The following UBE2R2 variants were observed in gnomAD, a reference collection of about 807,000 sequenced individuals.
The protein encoded by UBE2R2 is ubiquitin conjugating enzyme E2 R2.
Under a neutral mutation model 27.8 loss-of-function variants are expected in UBE2R2, and 1 was observed. The ratio of observed to expected loss-of-function variants is 0.04; its 90% CI spans 0.01 to 0.17. The LOEUF (loss-of-function observed/expected upper bound fraction) is 0.17. UBE2R2 is among the 10% of genes least tolerant of loss of function. UBE2R2 has a pLI of 1.00. For synonymous variants in UBE2R2, 106 were observed against 113.3 expected (o/e 0.94, Z 0.41); for missense variants, 100 against 291.0 (o/e 0.34, Z 4.78).
chr9:33,898,463 TATTA>T (rs1017319392), intron 2 of UBE2R2, among the ~76,000 whole-genome samples: 3 of 150,078 alleles, frequency 2.0e-5, no homozygotes, highest in Admixed American at 2.0e-4. Flanking sequence ...TAATATTTTG[TATTA>T]ATTTTATTTT....
rs140528651 is a variant in UBE2R2 at position 33,895,810 on chromosome 9, T to C, written c.265-4364T>C. Among the ~76,000 whole-genome samples, 396 of 145,150 alleles carry C rather than the reference T, an allele frequency of 2.7e-3. 5 individuals carry two copies. Among genetic ancestry groups the C allele is most frequent in the Admixed American group, 0.023 (319 of 14,140 alleles). On this transcript the variant is annotated intron_variant, in intron 2 of 4. Coordinates refer to ENST00000263228, the MANE Select transcript of UBE2R2 (RefSeq NM_017811.4). ...TTTTTTGAGATGGAGTCTCGCTCTG[T>C]TGCCTAGGCTGGAGTGCAGTGGCTC...
intron 1 of UBE2R2, among the ~76,000 whole-genome samples, chr9:33,861,847 CT>C (rs775634986): frequency 1.1e-3 from 107 of 95,456 alleles, no homozygotes; most frequent in Middle Eastern, 0.014. Context: ...GATCCACTTT[CT>C]TTTTTTTTTT....
intron 1 of UBE2R2, among the ~76,000 whole-genome samples, chr9:33,829,942 C>G (rs569223718): frequency 1.3e-5 from 2 of 151,978 alleles, no homozygotes; most frequent in African/African-American, 4.8e-5. Context: ...GGACTATAGG[C>G]ATGTGCCACC....
intron 1 of UBE2R2, among the ~76,000 whole-genome samples, chr9:33,855,576 C>T (rs73488978): frequency 0.012 from 1,796 of 152,308 alleles, 37 homozygotes; most frequent in African/African-American, 0.04. Context: ...GGGTGATCCC[C>T]AGGCAACACA....
At chr9:33,819,783 C>T (rs1430105424) in intron 1 of UBE2R2, among the ~76,000 whole-genome samples, 1 of 152,156 alleles carries the variant, frequency 6.6e-6, no homozygotes, top group African/African-American at 2.4e-5. Context: ...GGACTACAGG[C>T]GCACGCCACC....
intron 3 of UBE2R2, 63 bp from the exon 4 acceptor site, chr9:33,911,901 C>T (rs1822501141): frequency 7.5e-6 from 11 of 1,466,942 alleles, no homozygotes; most frequent in Non-Finnish European, 1.0e-5. Flanking sequence ...TCTTAAAAAG[C>T]AGAATACTTT....
intron 1 of UBE2R2, among the ~76,000 whole-genome samples, chr9:33,875,423 A>AT (rs1457962892): frequency 2.0e-5 from 3 of 152,178 alleles, no homozygotes; most frequent in African/African-American, 7.2e-5. Flanking sequence ...AATGATAATG[A>AT]TTTAACCTTT....
At chr9:33,877,834 T>C (rs1183733023) in intron 1 of UBE2R2, among the ~76,000 whole-genome samples, 1 of 150,756 alleles carries the variant, frequency 6.6e-6, no homozygotes, top group Admixed American at 6.6e-5. Context: ...TCTCTCTCTC[T>C]CTCTCTCTCT....
At chr9:33,871,082 C>T (rs1821475836) in intron 1 of UBE2R2, among the ~76,000 whole-genome samples, 2 of 152,198 alleles carry the variant, frequency 1.3e-5, no homozygotes, top group South Asian at 4.1e-4. Context: ...AGTAGTACCC[C>T]TTTGTAAATT....
intron 2 of UBE2R2, among the ~76,000 whole-genome samples, chr9:33,892,397 A>G (rs1389445724): frequency 1.3e-5 from 2 of 152,202 alleles, no homozygotes; most frequent in African/African-American, 4.8e-5. Context: ...TTTTTATAAT[A>G]GACATTAATT....
chr9:33,895,123 C>G (rs1822072095), intron 2 of UBE2R2, among the ~76,000 whole-genome samples: 1 of 152,166 alleles, frequency 6.6e-6, no homozygotes, highest in East Asian at 1.9e-4. Flanking sequence ...TATAGGTTGC[C>G]TTTTCACTTT....
chr9:33,836,266 A>G (rs1207077430), intron 1 of UBE2R2, among the ~76,000 whole-genome samples: 1 of 152,232 alleles, frequency 6.6e-6, no homozygotes, highest in Non-Finnish European at 1.5e-5. Context: ...GCTATACCAT[A>G]TAGCCTAGAT....
At chr9:33,847,600 C>G (rs1820873748) in intron 1 of UBE2R2, among the ~76,000 whole-genome samples, 1 of 152,028 alleles carries the variant, frequency 6.6e-6, no homozygotes, top group South Asian at 2.1e-4. Context: ...TAGCCATTAT[C>G]TTTTCAAATA....
At chr9:33,890,094 A>G (rs1163415727) in intron 2 of UBE2R2, among the ~76,000 whole-genome samples, 1 of 152,226 alleles carries the variant, frequency 6.6e-6, no homozygotes, top group Non-Finnish European at 1.5e-5. Flanking sequence ...AAAGCTCTAC[A>G]GGAAAGAAGT....
At chr9:33,841,943 T>C (rs1236686348) in intron 1 of UBE2R2, among the ~76,000 whole-genome samples, 1 of 152,220 alleles carries the variant, frequency 6.6e-6, no homozygotes, top group African/African-American at 2.4e-5. Flanking sequence ...ATCTGTATTA[T>C]ATCTATCTTG....
intron 1 of UBE2R2, among the ~76,000 whole-genome samples, chr9:33,825,786 A>G (rs1334402115): frequency 6.6e-6 from 1 of 152,174 alleles, no homozygotes; most frequent in Non-Finnish European, 1.5e-5. Context: ...AAAAGGTTTA[A>G]TTCTTTTATG....
At chr9:33,849,808 G>C (rs868635883) in intron 1 of UBE2R2, among the ~76,000 whole-genome samples, 1 of 152,040 alleles carries the variant, frequency 6.6e-6, no homozygotes, top group Non-Finnish European at 1.5e-5. Context: ...AGTGAGCCAA[G>C]CCAAGATCTT....
chr9:33,867,761 A>C (rs1389516844), intron 1 of UBE2R2, among the ~76,000 whole-genome samples: 1 of 152,210 alleles, frequency 6.6e-6, no homozygotes, highest in Non-Finnish European at 1.5e-5. Flanking sequence ...CAGCCTCCTG[A>C]ATCCAAAATT....
At chr9:33,897,346 T>C (rs538549354) in intron 2 of UBE2R2, among the ~76,000 whole-genome samples, 2 of 141,086 alleles carry the variant, frequency 1.4e-5, no homozygotes, top group East Asian at 4.3e-4. Flanking sequence ...GACAAGAGTT[T>C]CGCTTTTGTT....
Sources: gnomAD v4.1 joint callset for allele counts (sites outside exome capture counted in the v4.1 genomes callset) on GRCh38, gnomAD v4.1.1 for gene constraint, MANE v1.5 for transcripts, NCBI Gene and HGNC (gene_info 2026-07-23, HGNC 2026-07-21) for gene names.